Variants in ADH5 observed in about 807,000 individuals in gnomAD.
ADH5 encodes the protein alcohol dehydrogenase 5 (class III), chi polypeptide, also known as alcohol dehydrogenase class-3.
A neutral mutation model predicts 40.3 loss-of-function variants in ADH5; 32 were observed. The ratio of observed to expected loss-of-function variants is 0.79; its 90% CI spans 0.60 to 1.07. ADH5 has a LOEUF of 1.07. Among genes scored for constraint, ADH5 ranks in the 50% least tolerant of loss-of-function variants. ADH5 has a pLI of 0.00. For missense variants in ADH5, 353 were observed against 460.5 expected (o/e 0.77, Z 2.14); for synonymous variants, 125 against 154.3 (o/e 0.81, Z 1.41).
rs142191298 is a variant in ADH5 at position 99,087,476 on chromosome 4, G to C, written c.12+1213C>G. Among the ~76,000 whole-genome samples the C allele has an allele frequency of 2.7e-3, 405 of 151,992 alleles. 10 individuals carry two copies. The highest frequency in any genetic ancestry group is 0.024 in the Admixed American group (359 of 15,252). On this transcript the variant is annotated intron_variant, in intron 1 of 8. Coordinates refer to ENST00000296412, the MANE Select transcript of ADH5 (RefSeq NM_000671.4). ...TGATCGTTTTTAAAATTAAATTGCA[G>C]ATATTAAATCTCATAGTACAAAGAA...
Position 99,081,962 on chromosome 4 carries a change from G to A in ADH5, c.256+13C>T. ...CAAAATTATTAAACAAGTGGTTCAA[G>A]TATTCTCCTTACCCGCCTTCAGCTT... On this transcript the variant is annotated intron_variant, in intron 3 of 8. Transcript: ENST00000296412. 6.2e-7 allele frequency: 1 copy of A among 1,613,148 alleles called. No individual in the cohort carries two copies. Among genetic ancestry groups the A allele is most frequent in the Non-Finnish European group, 8.5e-7 (1 of 1,179,490 alleles).
chr4:99,081,467 A>G lies in ADH5; in HGVS notation c.257-15T>C. ...GACAGTGTCACCTGGAAACAAATGCAAAGACATCCTGAATAGGTAGTATCT... is the reference window on the plus strand; with the variant it reads ...GACAGTGTCACCTGGAAACAAATGCGAAGACATCCTGAATAGGTAGTATCT... On this transcript the variant is annotated splice_polypyrimidine_tract_variant and intron_variant, in intron 3 of 8. Transcript: ENST00000296412. 2.6e-6 allele frequency: 4 copies of G among 1,556,364 alleles called. No homozygotes were observed. Among genetic ancestry groups the G allele is most frequent in the Non-Finnish European group, 3.5e-6 (4 of 1,132,484 alleles).
chr4:99,085,088 T>C (rs775946291), intron 2 of ADH5, 27 bp downstream of exon 2: 16 of 1,279,006 alleles, frequency 1.3e-5, no homozygotes, highest in Admixed American at 1.2e-4. Flanking sequence ...GTCTCTTTTT[T>C]TCCCAGTGCC....
At chr4:99,083,600 CAAAAAAAAAAAAAAA>C (rs6148593) in intron 2 of ADH5, among the ~76,000 whole-genome samples, 24,389 of 86,556 alleles carry the variant, frequency 0.28, 3,224 homozygotes, top group African/African-American at 0.46. Context: ...ACTCTGTCTC[CAAAAAAAAAAAAAAA>C]AAAAAAAAAA....
In ADH5 at chr4:99,074,503, T is replaced by C. The variant is rs537877665; in HGVS notation, c.961+411A>G. 1.0e-3 allele frequency among the ~76,000 whole-genome samples: 153 copies of C among 152,334 alleles called. 1 individual carries two copies. Among genetic ancestry groups the C allele is most frequent in the Admixed American group, 7.6e-3 (117 of 15,300 alleles). ...CAGACAGATATATGATCACATCCAG[T>C]GATCACTGCACTCCTGGAAAAATGA... On this transcript the variant is annotated intron_variant, in intron 7 of 8. Transcript: ENST00000296412.
chr4:99,074,423 C>CT (rs1323450013), intron 7 of ADH5, among the ~76,000 whole-genome samples: 1 of 152,090 alleles, frequency 6.6e-6, no homozygotes, highest in Non-Finnish European at 1.5e-5. Context: ...TATGATAAGG[C>CT]TTTGTCCAAT....
rs1431984604 is a variant in ADH5, at chr4:99,071,140, C to G, written c.*1277G>C. The G allele has an allele frequency of 6.6e-6, 1 of 152,150 alleles. No individual in the cohort carries two copies. The highest frequency in any genetic ancestry group is 2.4e-5 in the African/African-American group (1 of 41,424). 9.4% of individuals were successfully genotyped at this position (152,150 alleles called of 1,614,324 possible). A position where few individuals can be genotyped will look rare whatever the true frequency, so the allele number is the denominator to read the frequency against. ...TTATTCAGAGAAAAATAATTCAATA[C>G]AAAGTTGAGCACAGGATATGAACAG... On this transcript the variant is annotated 3_prime_UTR_variant, in exon 9 of 9. Transcript: ENST00000296412.
chr4:99,081,856 C>T (rs1160124029), intron 3 of ADH5, 119 bp downstream of exon 3: 2 of 1,022,806 alleles, frequency 2.0e-6, no homozygotes, highest in Admixed American at 5.8e-5. Flanking sequence ...TCAACTTAAT[C>T]TTGACAATCT....
chr4:99,077,743 G>T (rs1727955785), intron 4 of ADH5, among the ~76,000 whole-genome samples: 1 of 152,116 alleles, frequency 6.6e-6, no homozygotes, highest in Admixed American at 6.5e-5. Flanking sequence ...TACACCAATA[G>T]GAAAGAAAAC....
At chr4:99,074,496 C>T (rs1286919986) in intron 7 of ADH5, among the ~76,000 whole-genome samples, 1 of 152,204 alleles carries the variant, frequency 6.6e-6, no homozygotes, top group African/African-American at 2.4e-5. Context: ...TATATGATCA[C>T]ATCCAGTGAT....
At chr4:99,086,066 GAT>G (rs1728129541) in intron 1 of ADH5, among the ~76,000 whole-genome samples, 1 of 73,062 alleles carries the variant, frequency 1.4e-5, no homozygotes, top group Non-Finnish European at 2.9e-5. Flanking sequence ...ACAAAACTGA[GAT>G]ATGCTATAAA....
intron 8 of ADH5, 59 bp from the exon 9 acceptor site, chr4:99,072,500 T>G (rs1727853413): frequency 6.2e-7 from 1 of 1,609,702 alleles, no homozygotes; most frequent in East Asian, 2.2e-5. Context: ...ACTAAAATTG[T>G]GTTTTTCGAC....
At chr4:99,085,447 A>C (rs748586021) in intron 1 of ADH5, 4 of 383,376 alleles carry the variant, frequency 1.0e-5, no homozygotes, top group Non-Finnish European at 1.9e-5. Flanking sequence ...TTGGTTAAAA[A>C]GTTGTACTCA....
At chr4:99,075,231 T>A in intron 6 of ADH5, 182 bp from the exon 7 acceptor site, 1 of 429,440 alleles carries the variant, frequency 2.3e-6, no homozygotes, top group Non-Finnish European at 3.8e-6. Flanking sequence ...TGTTGTTTTT[T>A]TTTTTTTTGA....
At chr4:99,087,308 G>A (rs1241930006) in intron 1 of ADH5, among the ~76,000 whole-genome samples, 1 of 150,250 alleles carries the variant, frequency 6.7e-6, no homozygotes, top group Non-Finnish European at 1.5e-5. Context: ...CTTGAACCCG[G>A]GAGGCAAAGG....
chr4:99,085,620 G>A (rs28730577), intron 1 of ADH5: 4 of 352,918 alleles, frequency 1.1e-5, no homozygotes, highest in South Asian at 9.1e-5. Flanking sequence ...GAATACCACC[G>A]GCTTGGTGCA....
chr4:99,088,755 G>C lies in ADH5; in HGVS notation c.-55C>G, dbSNP rs29001343. On this transcript the variant is annotated 5_prime_UTR_variant, in exon 1 of 9. Transcript: ENST00000296412. ...TGACATCCGGGGTGGGCCGCGCAGC[G>C]ACGGAGGCATGGGCGTGGCGAGCGC... 10 of 1,577,966 alleles carry C rather than the reference G, an allele frequency of 6.3e-6. No individual in the cohort carries two copies. Among genetic ancestry groups the C allele is most frequent in the Non-Finnish European group, 8.6e-6 (10 of 1,160,852 alleles).
intron 2 of ADH5, among the ~76,000 whole-genome samples, chr4:99,083,600 CAAAAAAAAAAAA>C (rs6148593): frequency 1.4e-4 from 12 of 85,234 alleles, no homozygotes; most frequent in African/African-American, 3.0e-4. Context: ...ACTCTGTCTC[CAAAAAAAAAAAA>C]AAAAAAAAAA....
At chr4:99,085,990 T>C (rs191075539) in intron 1 of ADH5, among the ~76,000 whole-genome samples, 132 of 152,148 alleles carry the variant, frequency 8.7e-4, no homozygotes, top group African/African-American at 2.8e-3. Context: ...TGAGCCGAGA[T>C]TGTGCCACTG....
Sources: gnomAD v4.1 joint callset for allele counts (sites outside exome capture counted in the v4.1 genomes callset) on GRCh38, gnomAD v4.1.1 for gene constraint, MANE v1.5 for transcripts, NCBI Gene and HGNC (gene_info 2026-07-23, HGNC 2026-07-21) for gene names.